Variants in CSTF3 observed in about 807,000 individuals in gnomAD.
The protein encoded by CSTF3 is cleavage stimulation factor subunit 3, also known as CF-1 77 kDa subunit.
A neutral mutation model predicts 105.8 loss-of-function variants in CSTF3; 29 were observed. That is an observed-to-expected ratio of 0.27 (90% CI 0.20 to 0.37). The LOEUF is 0.37. Among genes scored for constraint, CSTF3 ranks in the 10% least tolerant of loss-of-function variants. CSTF3 has a pLI of 1.00. For synonymous variants in CSTF3, 252 were observed against 281.9 expected (o/e 0.89, Z 1.06); for missense variants, 357 against 879.3 (o/e 0.41, Z 7.51).
chr11:33,125,081 T>C (rs888625554), intron 3 of CSTF3, among the ~76,000 whole-genome samples: 3 of 152,244 alleles, frequency 2.0e-5, no homozygotes, highest in African/African-American at 7.2e-5. Context: ...TCAGTATTTC[T>C]CTCTTCAAAT....
intron 3 of CSTF3, among the ~76,000 whole-genome samples, chr11:33,114,126 ATTAATTAC>A (rs967855638): frequency 2.0e-5 from 3 of 152,206 alleles, no homozygotes; most frequent in Non-Finnish European, 4.4e-5. Flanking sequence ...TTAAAACAAA[ATTAATTAC>A]TTAATTTTTA....
At position 33,097,287 on chromosome 11, in the gene CSTF3, G is replaced by A. The variant is rs1452906293; in HGVS notation, c.1129-309C>T. On this transcript the variant is annotated intron_variant, in intron 13 of 20. Coordinates refer to ENST00000323959, the MANE Select transcript of CSTF3 (RefSeq NM_001326.3). ...AAATTAAAGTTTAAGAGTGAAAAGTGTGACACTACTAGAACATACTCCATT... is the reference window on the plus strand; with the variant it reads ...AAATTAAAGTTTAAGAGTGAAAAGTATGACACTACTAGAACATACTCCATT... 2.0e-5 allele frequency among the ~76,000 whole-genome samples: 3 copies of A among 152,262 alleles called. No homozygotes were observed. In the East Asian group the frequency reaches 5.8e-4, roughly 29 times the overall value.
At chr11:33,154,992 C>CA (rs1170615461) in intron 1 of CSTF3, among the ~76,000 whole-genome samples, 1 of 151,850 alleles carries the variant, frequency 6.6e-6, no homozygotes, top group Non-Finnish European at 1.5e-5. Context: ...TCCTACAATA[C>CA]AAAACTAATC....
chr11:33,090,633 C>G lies in CSTF3; in HGVS notation c.1540G>C (p.Glu514Gln). 6.2e-7 allele frequency: 1 copy of G among 1,612,614 alleles called. No individual in the cohort carries two copies. Among genetic ancestry groups the G allele is most frequent in the Non-Finnish European group, 8.5e-7 (1 of 1,179,316 alleles). Residue 514 changes from glutamate (E) to glutamine (Q), a missense_variant, in exon 17 of 21, where the codon GAA (glutamate) becomes CAA (glutamine). Glu to Gln is a conservative substitution (Grantham distance 29). Coordinates refer to ENST00000323959, the MANE Select transcript of CSTF3 (RefSeq NM_001326.3). ...VEKRRFTAFK[E>Q]EYEGKETALL... ...GCCGTTTCTTTCCCTTCATACTCTT[C>G]TTTGAATGCTGTAAACCGTCTTTTC...
intron 9 of CSTF3, among the ~76,000 whole-genome samples, chr11:33,102,628 A>G (rs1855291230): frequency 6.6e-6 from 1 of 152,132 alleles, no homozygotes; most frequent in South Asian, 2.1e-4. Flanking sequence ...AGGATTGAAG[A>G]TCTGGTGGCA....
chr11:33,143,101 G>T (rs1037699315), intron 1 of CSTF3, among the ~76,000 whole-genome samples: 3 of 152,124 alleles, frequency 2.0e-5, no homozygotes, highest in Non-Finnish European at 4.4e-5. Context: ...ATCTTATTTC[G>T]ATGTAAAGAA....
chr11:33,141,885 C>T lies in CSTF3; in HGVS notation c.129G>A (p.Gln43=). 6.3e-7 allele frequency: 1 copy of T among 1,596,826 alleles called. No homozygotes were observed. Among genetic ancestry groups the T allele is most frequent in the Non-Finnish European group, 8.5e-7 (1 of 1,173,854 alleles). The stretch of plus-strand genomic sequence containing the variant: ...GAAATGTAATCCTATATCACTAAAC[C>T]TGTGCCTCTCGAATGAGAATGCTCC... ...DAWSILIREA[Q]NQPIDKARKT... The change falls in exon 2 of 21, where the codon CAG becomes CAA. Residue 43 remains glutamine (Q), a splice_region_variant and synonymous_variant. Transcript: ENST00000323959.
In CSTF3 at chr11:33,103,188, GA is replaced by G. The variant is rs1855295686; in HGVS notation, c.586-5del. On this transcript the variant is annotated splice_polypyrimidine_tract_variant and splice_region_variant and intron_variant, in intron 8 of 20. Coordinates refer to ENST00000323959, the MANE Select transcript of CSTF3 (RefSeq NM_001326.3). ...TAGCTAAATGAATATTGATACCCTA[GA>G]AAAAAACAAAAATATTTTAAAATTA... 7.1e-7 allele frequency: 1 copy of G among 1,403,408 alleles called. No homozygotes were observed. Among genetic ancestry groups the G allele is most frequent in the Non-Finnish European group, 9.7e-7 (1 of 1,025,650 alleles). 86.9% of individuals were successfully genotyped at this position (1,403,408 alleles called of 1,614,324 possible). A position where few individuals can be genotyped will look rare whatever the true frequency, so the allele number is the denominator to read the frequency against.
Position 33,105,934 on chromosome 11 carries a change from A to C in CSTF3, c.424-17T>G. ...CACCCAAATCTAAGAAATAAAATGA[A>C]ATGTTAATATCTTTCTTGGTATTCT... is the stretch of plus-strand genomic sequence containing the variant. On this transcript the variant is annotated splice_polypyrimidine_tract_variant and intron_variant, in intron 6 of 20. Transcript: ENST00000323959. The C allele has an allele frequency of 6.3e-7, 1 of 1,578,310 alleles. No homozygotes were observed. The highest frequency in any genetic ancestry group is 8.6e-7 in the Non-Finnish European group (1 of 1,159,210).
intron 3 of CSTF3, among the ~76,000 whole-genome samples, chr11:33,115,799 G>T (rs1855425225): frequency 6.6e-6 from 1 of 152,168 alleles, no homozygotes; most frequent in Non-Finnish European, 1.5e-5. Flanking sequence ...ATAAATGCCA[G>T]GTGTAGTAGT....
intron 15 of CSTF3, among the ~76,000 whole-genome samples, chr11:33,095,766 G>A (rs1338386049): frequency 6.6e-6 from 1 of 151,118 alleles, no homozygotes; most frequent in Non-Finnish European, 1.5e-5. Context: ...AGCCTGCAGT[G>A]AGCCGAGATT....
chr11:33,137,993 CAAG>C (rs991223728), intron 3 of CSTF3, among the ~76,000 whole-genome samples: 1 of 151,530 alleles, frequency 6.6e-6, no homozygotes, highest in East Asian at 1.9e-4. Flanking sequence ...TTCCATTTTC[CAAG>C]AAGAAAGGTC....
intron 3 of CSTF3, among the ~76,000 whole-genome samples, chr11:33,122,179 C>T (rs1855496425): frequency 6.6e-6 from 1 of 152,140 alleles, no homozygotes; most frequent in South Asian, 2.1e-4. Flanking sequence ...AAACCAAATT[C>T]TATAAAGTAT....
rs530006582 is a variant in CSTF3, at chr11:33,147,207, A to T, written c.28-5221T>A. On this transcript the variant is annotated intron_variant, in intron 1 of 20. Transcript: ENST00000323959. ...AGCTACCTGGGACACTGAGGCAGGA[A>T]GATCTCTTGAGCCCAGGAGTTCAAG... is the stretch of plus-strand genomic sequence containing the variant. Among the ~76,000 whole-genome samples the T allele has an allele frequency of 3.2e-4, 48 of 151,678 alleles. No homozygotes were observed. In the South Asian group the frequency reaches 0.01, roughly 32 times the overall value.
In CSTF3 at chr11:33,105,520, T is replaced by A. The variant is rs1394679679; in HGVS notation, c.585+47A>T. On this transcript the variant is annotated intron_variant, in intron 8 of 20. Transcript: ENST00000323959. ...TCTACAAATCCACAATGCATAGAAA[T>A]TAAAATGGCTTGGTTTATAATAAAC... The A allele has an allele frequency of 2.6e-6, 4 of 1,533,702 alleles. No homozygotes were observed. The East Asian group carries it at 9.2e-5, about 35-fold the overall frequency.
rs1042104414 is a variant in CSTF3, at chr11:33,148,657, C to T, written c.28-6671G>A. ...GTTGCAGTGAGCCGAGATTACGCCA[C>T]AGCACTCCAACCTGGGTGACAGAGG... On this transcript the variant is annotated intron_variant, in intron 1 of 20. Coordinates refer to ENST00000323959, the MANE Select transcript of CSTF3 (RefSeq NM_001326.3). 6.0e-5 allele frequency among the ~76,000 whole-genome samples: 9 copies of T among 150,516 alleles called. No homozygotes were observed. The East Asian group carries it at 1.8e-3, about 29-fold the overall frequency.
chr11:33,096,024 TGAA>T (rs1375379528), intron 15 of CSTF3, among the ~76,000 whole-genome samples: 12 of 152,224 alleles, frequency 7.9e-5, no homozygotes, highest in African/African-American at 2.9e-4. Flanking sequence ...TCATCAGAGA[TGAA>T]TATAAACAAC....
chr11:33,150,013 C>T (rs529459533), intron 1 of CSTF3, among the ~76,000 whole-genome samples: 8 of 148,094 alleles, frequency 5.4e-5, no homozygotes, highest in African/African-American at 1.7e-4. Flanking sequence ...AGCCAGACTC[C>T]GTCTTGAAAA....
In CSTF3 at chr11:33,161,472, A is replaced by C; in HGVS notation, c.-147T>G. On this transcript the variant is annotated 5_prime_UTR_variant, in exon 1 of 21. Transcript: ENST00000323959. ...ACACCAATCGCCACCGCCCACTCAA[A>C]TATGAATTAAAATGGCTGCGCCCCT... is the stretch of plus-strand genomic sequence containing the variant. 1.4e-6 allele frequency: 1 copy of C among 720,978 alleles called. No homozygotes were observed. The highest frequency in any genetic ancestry group is 2.3e-6 in the Non-Finnish European group (1 of 430,924). The allele number at this position is 720,978 out of a possible 1,614,324, so 44.7% of individuals were successfully genotyped here.
Sources: allele counts gnomAD v4.1 joint callset (sites outside exome capture counted in the v4.1 genomes callset), GRCh38; gene constraint gnomAD v4.1.1; transcripts MANE v1.5; gene names NCBI Gene and HGNC (gene_info 2026-07-23, HGNC 2026-07-21).